The following PTPRM variants were observed in gnomAD, a reference collection of about 807,000 sequenced individuals.
PTPRM encodes protein tyrosine phosphatase receptor type M.
PTPRM carries 47 observed loss-of-function variants against 186.7 expected under a neutral mutation model. That is an observed-to-expected ratio of 0.25 (90% confidence interval 0.20 to 0.32). The LOEUF is 0.32. Ranked by LOEUF, PTPRM falls within the 10% of genes least tolerant of loss-of-function variation. The pLI is 1.00. For synonymous variants in PTPRM, 668 were observed against 674.9 expected, an observed-to-expected ratio of 0.99 and a Z score of 0.16; for missense variants, 1,494 against 1,865.0, an observed-to-expected ratio of 0.80 and a Z score of 3.66.
chr18:8,185,334 C>A (rs1189980992), intron 14 of PTPRM, among the ~76,000 whole-genome samples: 3 of 152,150 alleles, frequency 2.0e-5, no homozygotes, highest in Admixed American at 6.5e-5. Flanking sequence ...CTTCACCAGG[C>A]CCCCCAGGAG....
chr18:7,952,162 G>T (rs565427379), intron 6 of PTPRM, among the ~76,000 whole-genome samples: 1 of 152,276 alleles, frequency 6.6e-6, no homozygotes, highest in East Asian at 1.9e-4. Flanking sequence ...AGTTAAATAT[G>T]ATACTGACAT....
intron 5 of PTPRM, among the ~76,000 whole-genome samples, chr18:7,943,732 C>T (rs1417274196): frequency 6.6e-6 from 1 of 152,106 alleles, no homozygotes; most frequent in Non-Finnish European, 1.5e-5. Flanking sequence ...CAGAGCCCGT[C>T]GGCACAACCT....
In PTPRM at chr18:7,686,260, G is replaced by T. The variant is rs372500358; in HGVS notation, c.74-87889G>T. Among the ~76,000 whole-genome samples the T allele has an allele frequency of 2.0e-5, 3 of 152,274 alleles. No homozygotes were observed. The East Asian group carries it at 5.8e-4, about 29-fold the overall frequency. ...TGCTATTACTAACCAAAGAGAGAAT[G>T]AATAGATGCTGGGGGCAAAACTCTA... On this transcript the variant is annotated intron_variant, in intron 1 of 32. Transcript: ENST00000580170.
rs1477544616 is a variant in PTPRM, at chr18:7,772,955, T to C, written c.74-1194T>C. Among the ~76,000 whole-genome samples the C allele has an allele frequency of 2.6e-5, 4 of 152,104 alleles. No individual in the cohort carries two copies. The South Asian group carries it at 6.2e-4, about 24-fold the overall frequency. ...ATAAGATCAATTTAATTAATCACTTTCCCCATGTGAAACATGGAGAAAAGA... is the reference window on the plus strand; with the variant it reads ...ATAAGATCAATTTAATTAATCACTTCCCCCATGTGAAACATGGAGAAAAGA... On this transcript the variant is annotated intron_variant, in intron 1 of 32. Transcript: ENST00000580170.
At chr18:8,097,582 G>T (rs1383890702) in intron 11 of PTPRM, among the ~76,000 whole-genome samples, 3 of 152,164 alleles carry the variant, frequency 2.0e-5, no homozygotes, top group Non-Finnish European at 4.4e-5. Flanking sequence ...TTGTCTTCAT[G>T]TCATTGTGCT....
chr18:7,611,937 A>T (rs547228374), intron 1 of PTPRM, among the ~76,000 whole-genome samples: 1 of 152,310 alleles, frequency 6.6e-6, no homozygotes, highest in South Asian at 2.1e-4. Flanking sequence ...AAGCAGACTG[A>T]TACAAGGCTC....
intron 1 of PTPRM, among the ~76,000 whole-genome samples, chr18:7,705,317 A>ATCTGTCTGTCTGTCTG (rs1568041033): frequency 1.4e-5 from 2 of 146,944 alleles, no homozygotes; most frequent in African/African-American, 5.1e-5. Flanking sequence ...CTATCTATCT[A>ATCTGTCTGTCTGTCTG]TCTATCTATC....
intron 2 of PTPRM, among the ~76,000 whole-genome samples, chr18:7,862,396 T>G (rs2047436665): frequency 6.6e-6 from 1 of 152,322 alleles, no homozygotes; most frequent in Middle Eastern, 3.4e-3. Flanking sequence ...TACATCATAT[T>G]TGAAGGAAGT....
chr18:7,620,819 A>G (rs575028779), intron 1 of PTPRM, among the ~76,000 whole-genome samples: 80 of 152,300 alleles, frequency 5.3e-4, no homozygotes, highest in African/African-American at 1.9e-3. Flanking sequence ...AAATAGGCAT[A>G]GTTGAAAGAG....
intron 7 of PTPRM, among the ~76,000 whole-genome samples, chr18:7,982,391 C>T (rs1202665289): frequency 2.6e-5 from 4 of 151,582 alleles, no homozygotes; most frequent in African/African-American, 7.3e-5. Flanking sequence ...CTGGCCCCAC[C>T]TCCACATCCT....
chr18:8,115,404 G>A (rs777961630), intron 13 of PTPRM, among the ~76,000 whole-genome samples: 7 of 152,100 alleles, frequency 4.6e-5, no homozygotes, highest in Admixed American at 1.3e-4. Context: ...TGGGTAGGGC[G>A]AGTTACCCTG....
At chr18:7,843,693 C>T (rs762474428) in intron 2 of PTPRM, among the ~76,000 whole-genome samples, 13 of 152,140 alleles carry the variant, frequency 8.5e-5, no homozygotes, top group Non-Finnish European at 1.9e-4. Context: ...TATTTTGAGG[C>T]ACTATATAAC....
At chr18:8,207,703 T>G (rs1384848465) in intron 14 of PTPRM, among the ~76,000 whole-genome samples, 1 of 152,240 alleles carries the variant, frequency 6.6e-6, no homozygotes, top group African/African-American at 2.4e-5. Flanking sequence ...GTTTTAGATT[T>G]TATGCAATGA....
chr18:8,168,152 T>C (rs761916822), intron 14 of PTPRM, among the ~76,000 whole-genome samples: 1 of 152,248 alleles, frequency 6.6e-6, no homozygotes, highest in Non-Finnish European at 1.5e-5. Flanking sequence ...TATTTCAATA[T>C]TATTTTACTT....
intron 1 of PTPRM, among the ~76,000 whole-genome samples, chr18:7,677,212 C>G (rs188313573): frequency 1.7e-4 from 26 of 152,316 alleles, no homozygotes; most frequent in African/African-American, 6.3e-4. Flanking sequence ...ATATTTCTTA[C>G]AGTTTACGAA....
chr18:7,727,024 T>A (rs1199858328), intron 1 of PTPRM, among the ~76,000 whole-genome samples: 2 of 152,196 alleles, frequency 1.3e-5, no homozygotes, highest in Admixed American at 6.5e-5. Context: ...TCAATAGTTT[T>A]GTTGTTCTTT....
chr18:8,328,286 C>T (rs1276573648), intron 22 of PTPRM, among the ~76,000 whole-genome samples: 1 of 152,232 alleles, frequency 6.6e-6, no homozygotes, highest in South Asian at 2.1e-4. Context: ...GTCAGTGTAA[C>T]TTCTGCACAC....
intron 4 of PTPRM, among the ~76,000 whole-genome samples, chr18:7,919,247 C>G (rs941035070): frequency 2.0e-5 from 3 of 151,990 alleles, no homozygotes; most frequent in Admixed American, 2.0e-4. Flanking sequence ...CAGCTTTTTT[C>G]TTTTTGCTCA....
At chr18:7,943,701 C>T (rs1224621604) in intron 5 of PTPRM, among the ~76,000 whole-genome samples, 1 of 152,122 alleles carries the variant, frequency 6.6e-6, no homozygotes, top group African/African-American at 2.4e-5. Flanking sequence ...TATTTTGCCT[C>T]GTGATCCCCT....
Sources: gnomAD v4.1 joint callset for allele counts (sites outside exome capture counted in the v4.1 genomes callset) on GRCh38, gnomAD v4.1.1 for gene constraint, MANE v1.5 for transcripts, NCBI Gene and HGNC (gene_info 2026-07-23, HGNC 2026-07-21) for gene names.